TAX1BP1: variants seen among roughly 807,000 people sequenced by gnomAD.
TAX1BP1 encodes the protein tax1-binding protein 1.
TAX1BP1 carries 62 observed loss-of-function variants against 97.7 expected under a neutral mutation model. That is an observed-to-expected ratio of 0.63 (90% CI 0.52 to 0.78). TAX1BP1 has a LOEUF of 0.78. Ranked by LOEUF, TAX1BP1 falls within the 30% of genes least tolerant of loss-of-function variation. The pLI, the probability that TAX1BP1 is intolerant of heterozygous loss-of-function variation, is 0.00. For synonymous variants in TAX1BP1, 340 were observed against 304.2 expected (o/e 1.12, Z -1.23); for missense variants, 867 against 916.1 (o/e 0.95, Z 0.69).
At chr7:27,746,804 T>C (rs1048033837) in intron 1 of TAX1BP1, among the ~76,000 whole-genome samples, 7 of 152,172 alleles carry the variant, frequency 4.6e-5, no homozygotes, top group African/African-American at 1.7e-4. Flanking sequence ...AGGTTCATGA[T>C]TGACAGTCTC....
intron 3 of TAX1BP1, 132 bp from the exon 4 acceptor site, chr7:27,765,702 G>A: frequency 1.3e-6 from 1 of 776,698 alleles, no homozygotes; most frequent in South Asian, 2.0e-5. Flanking sequence ...ATTTGCGAAA[G>A]GAGGAAGGAC....
Position 27,785,024 on chromosome 7 carries a change from A to G in TAX1BP1, c.613-139A>G, listed in dbSNP as rs1048722409. ...TATATGTTATCATTTCAAGTTTTAT[A>G]GTCTTAGCTTCTCAAATTTGGAGGG... On this transcript the variant is annotated intron_variant, in intron 5 of 16. Coordinates refer to ENST00000396319, the MANE Select transcript of TAX1BP1 (RefSeq NM_006024.7). 1.4e-5 allele frequency: 10 copies of G among 737,690 alleles called. No individual in the cohort carries two copies. In the Admixed American group the frequency reaches 3.1e-4, roughly 23 times the overall value. 45.7% of individuals were successfully genotyped at this position (737,690 alleles called of 1,614,324 possible).
chr7:27,800,309 G>T (rs1001208089), intron 13 of TAX1BP1, among the ~76,000 whole-genome samples: 1 of 152,162 alleles, frequency 6.6e-6, no homozygotes, highest in African/African-American at 2.4e-5. Context: ...CTTTAATTCT[G>T]TGGGTTCAGA....
intron 15 of TAX1BP1, among the ~76,000 whole-genome samples, chr7:27,821,823 T>C (rs1184220955): frequency 6.6e-6 from 1 of 152,166 alleles, no homozygotes; most frequent in Non-Finnish European, 1.5e-5. Flanking sequence ...CCTGTAGCGG[T>C]TAACCTCTTC....
At chr7:27,740,783 G>A (rs945587691) in intron 1 of TAX1BP1, among the ~76,000 whole-genome samples, 2 of 152,180 alleles carry the variant, frequency 1.3e-5, no homozygotes, top group Non-Finnish European at 2.9e-5. Context: ...TTGAGTCGCC[G>A]GTGGCGAAGG....
At position 27,785,290 on chromosome 7, in the gene TAX1BP1, A is replaced by C. The variant is rs1307307112; in HGVS notation, c.740A>C (p.Glu247Ala). Reference sequence around the variant, plus strand: ...GTGTCAGTAACACATAAAGCAATTGAAAAAGAAACCGAATTAGACAGGTAT... The same window carrying C: ...GTGTCAGTAACACATAAAGCAATTGCAAAAGAAACCGAATTAGACAGGTAT... ...DIVSVTHKAI[E>A]KETELDSLKD... Residue 247 changes from glutamate (E) to alanine (A), a missense_variant, in exon 6 of 17, where the codon GAA becomes GCA. Physicochemically the swap from Glu to Ala is moderately radical, Grantham distance 107 (BLOSUM62 -1). This residue lies in a region of TAX1BP1 where 822 missense variants were observed against 851.4 expected (regional missense o/e 0.97). Transcript: ENST00000396319. 6.2e-7 allele frequency: 1 copy of C among 1,609,428 alleles called. No individual in the cohort carries two copies. Among genetic ancestry groups the C allele is most frequent in the Non-Finnish European group, 8.5e-7 (1 of 1,178,552 alleles).
rs1022244141 is a variant in TAX1BP1 at position 27,785,178 on chromosome 7, A to G, written c.628A>G (p.Thr210Ala). The change falls in exon 6 of 17, where the codon ACA (threonine) becomes GCA (alanine). Residue 210 changes from threonine (T) to alanine (A), a missense_variant. Coordinates refer to ENST00000396319, the MANE Select transcript of TAX1BP1 (RefSeq NM_006024.7). ...QAEQKGLTEVTQSLKMENEEF... is the reference protein window; with the variant it reads ...QAEQKGLTEVAQSLKMENEEF... The stretch of plus-strand genomic sequence containing the variant: ...CACTTCTCAGGGTCTTACTGAAGTA[A>G]CACAAAGCTTAAAAATGGAAAATGA... 3 of 1,610,330 alleles carry G rather than the reference A, an allele frequency of 1.9e-6. No homozygotes were observed. Among genetic ancestry groups the G allele is most frequent in the Non-Finnish European group, 2.5e-6 (3 of 1,178,696 alleles).
At chr7:27,755,942 A>C (rs1318041557) in intron 2 of TAX1BP1, among the ~76,000 whole-genome samples, 1 of 152,120 alleles carries the variant, frequency 6.6e-6, no homozygotes, top group Non-Finnish European at 1.5e-5. Context: ...TGCTGTTATT[A>C]ACTTTAAGTG....
rs769294478 is a variant in TAX1BP1 at position 27,794,353 on chromosome 7, A to G, written c.1441A>G (p.Thr481Ala). The G allele has an allele frequency of 6.2e-6, 10 of 1,612,998 alleles. No homozygotes were observed. Among genetic ancestry groups the G allele is most frequent in the Non-Finnish European group, 8.5e-6 (10 of 1,179,412 alleles). ...ANNNNVFTKK[T>A]GNQQKVNDAS... ...TAATAATAATGTCTTCACAAAGAAA[A>G]CGGGGAATCAGCAGAAAGTGAATGA... The change falls in exon 11 of 17, where the codon ACG (threonine) becomes GCG (alanine). Residue 481 changes from threonine (T) to alanine (A), a missense_variant. Physicochemically the swap from Thr to Ala is moderately conservative, Grantham distance 58. This residue lies in a region of TAX1BP1 where 822 missense variants were observed against 851.4 expected (regional missense o/e 0.97). Coordinates refer to ENST00000396319, the MANE Select transcript of TAX1BP1 (RefSeq NM_006024.7).
intron 5 of TAX1BP1, among the ~76,000 whole-genome samples, chr7:27,784,038 G>A (rs1789370101): frequency 6.6e-6 from 1 of 152,138 alleles, no homozygotes; most frequent in Admixed American, 6.5e-5. Context: ...AGAAAATAAT[G>A]TAGCAATGTT....
chr7:27,785,422 C>G lies in TAX1BP1; in HGVS notation c.785C>G (p.Ala262Gly), dbSNP rs376415438. 8 of 1,613,198 alleles carry G rather than the reference C, an allele frequency of 5.0e-6. No homozygotes were observed. In the African/African-American group the frequency reaches 8.0e-5, roughly 16 times the overall value. ...LDSLKDKLKK[A>G]QHEREQLECQ... ...AGTTTAAAGGACAAACTCAAGAAGG[C>G]ACAACATGAAAGAGAACAACTTGAA... The change falls in exon 7 of 17, where the codon GCA becomes GGA. Residue 262 changes from alanine to glycine, a missense_variant. Physicochemically the swap from Ala to Gly is moderately conservative, Grantham distance 60 (BLOSUM62 0). This residue lies in a region of TAX1BP1 where 822 missense variants were observed against 851.4 expected (regional missense o/e 0.97). Transcript: ENST00000396319.
intron 11 of TAX1BP1, 44 bp downstream of exon 11, chr7:27,794,490 A>T: frequency 6.5e-7 from 1 of 1,543,976 alleles, no homozygotes; most frequent in Non-Finnish European, 8.7e-7. Context: ...CCTACATTGA[A>T]AAGTACTTAT....
At chr7:27,813,902 C>T (rs1055138199) in intron 13 of TAX1BP1, among the ~76,000 whole-genome samples, 7 of 151,658 alleles carry the variant, frequency 4.6e-5, no homozygotes, top group South Asian at 4.2e-4. Context: ...TTTTTTTTAA[C>T]GGTCACTAAA....
In TAX1BP1 at chr7:27,796,841, C is replaced by T. The variant is rs199549517; in HGVS notation, c.1638+622C>T. Reference sequence around the variant, plus strand: ...GCACACTGTACTCCAGCCTAGGCAACAGAGCGAGTCTCTAAAAAAAAATAA... The same window carrying T: ...GCACACTGTACTCCAGCCTAGGCAATAGAGCGAGTCTCTAAAAAAAAATAA... On this transcript the variant is annotated intron_variant, in intron 12 of 16. Coordinates refer to ENST00000396319, the MANE Select transcript of TAX1BP1 (RefSeq NM_006024.7). Among the ~76,000 whole-genome samples the T allele has an allele frequency of 3.8e-4, 58 of 151,598 alleles. No individual in the cohort carries two copies. In the East Asian group the frequency reaches 9.5e-3, roughly 25 times the overall value.
At chr7:27,760,426 T>C (rs540022775) in intron 3 of TAX1BP1, among the ~76,000 whole-genome samples, 1 of 150,674 alleles carries the variant, frequency 6.6e-6, no homozygotes, top group South Asian at 2.1e-4. Flanking sequence ...GGCTTCTTGC[T>C]CTGTCTCCCA....
intron 15 of TAX1BP1, among the ~76,000 whole-genome samples, chr7:27,818,152 C>T (rs1034801183): frequency 1.3e-5 from 2 of 152,114 alleles, no homozygotes; most frequent in Non-Finnish European, 2.9e-5. Context: ...CCTTCTCTTC[C>T]GTAGTCATCT....
chr7:27,818,725 A>G (rs761353027), intron 15 of TAX1BP1, among the ~76,000 whole-genome samples: 20 of 152,214 alleles, frequency 1.3e-4, no homozygotes, highest in Admixed American at 3.3e-4. Context: ...AAACATTTCT[A>G]TACCCCTCTT....
Position 27,785,469 on chromosome 7 carries a change from G to C in TAX1BP1, c.832G>C (p.Asp278His), listed in dbSNP as rs760585663. 12 of 1,611,788 alleles carry C rather than the reference G, an allele frequency of 7.4e-6. No individual in the cohort carries two copies. The highest frequency in any genetic ancestry group is 1.3e-5 in the African/African-American group (1 of 74,720). ...QLECQLKTEK[D>H]EKELYKVHLK... ...TGAATGTCAGTTGAAGACAGAGAAG[G>C]ATGAAAAGGAACTTTATAAGGTAAT... Residue 278 changes from aspartate to histidine, a missense_variant, in exon 7 of 17, where the codon GAT becomes CAT. Physicochemically the swap from Asp to His is moderately conservative, Grantham distance 81. This residue lies in a region of TAX1BP1 where 822 missense variants were observed against 851.4 expected (regional missense o/e 0.97). Coordinates refer to ENST00000396319, the MANE Select transcript of TAX1BP1 (RefSeq NM_006024.7).
chr7:27,828,498 TAA>T, intron 16 of TAX1BP1, 128 bp from the exon 17 acceptor site: 1 of 783,354 alleles, frequency 1.3e-6, no homozygotes, highest in Non-Finnish European at 2.0e-6. Flanking sequence ...GTTTCTGGAG[TAA>T]AGACTTTTAA....
Sources: allele counts gnomAD v4.1 joint callset (sites outside exome capture counted in the v4.1 genomes callset), GRCh38; gene constraint gnomAD v4.1.1; regional missense constraint gnomAD v4.1.1; transcripts MANE v1.5; gene names NCBI Gene and HGNC (gene_info 2026-07-23, HGNC 2026-07-21).